The following PTPRQ variants were observed in gnomAD, a reference collection of about 807,000 sequenced individuals.
The protein encoded by PTPRQ is phosphatidylinositol phosphatase PTPRQ.
Under a neutral mutation model 246.0 loss-of-function variants are expected in PTPRQ, and 199 were observed. The observed-to-expected ratio is 0.81, with a 90% CI of 0.72 to 0.91. The LOEUF (loss-of-function observed/expected upper bound fraction) is 0.91. PTPRQ is among the 40% of genes least tolerant of loss of function. The pLI is 0.00. For missense variants in PTPRQ, 2,624 were observed against 2,528.4 expected, an observed-to-expected ratio of 1.04 and a Z score of -0.81; for synonymous variants, 869 against 853.2, an observed-to-expected ratio of 1.02 and a Z score of -0.32.
chr12:80,483,026 G>A (rs1449130238), intron 8 of PTPRQ, among the ~76,000 whole-genome samples: 3 of 115,156 alleles, frequency 2.6e-5, no homozygotes, highest in Non-Finnish European at 5.3e-5. Flanking sequence ...CCATTACTGG[G>A]TATATACCCA....
At chr12:80,636,590 G>GA (rs35166326) in intron 35 of PTPRQ, among the ~76,000 whole-genome samples, 19,346 of 152,038 alleles carry the variant, frequency 0.13, 1,593 homozygotes, top group Middle Eastern at 0.23. Flanking sequence ...ATGCACAAGG[G>GA]AAAAAATTCA....
rs907999432 is a variant in PTPRQ at position 80,496,443 on chromosome 12, C to T, written c.2184C>T (p.Thr728=). The T allele has an allele frequency of 4.5e-6, 7 of 1,550,504 alleles. No individual in the cohort carries two copies. The highest frequency in any genetic ancestry group is 5.2e-6 in the Non-Finnish European group (6 of 1,146,410). Residue 728 remains threonine (T), a synonymous_variant, in exon 14 of 45, where the codon ACC becomes ACT. Coordinates refer to ENST00000644991, the MANE Select transcript of PTPRQ (RefSeq NM_001145026.2). Reference sequence around the variant, plus strand: ...TATTAAGGAACTTAAGACCTCACACCCTCTATAACATTTCTGTAAGGTCTT... The same window carrying T: ...TATTAAGGAACTTAAGACCTCACACTCTCTATAACATTTCTGTAAGGTCTT... ...DIILRNLRPH[T]LYNISVRSYT...
intron 27 of PTPRQ, among the ~76,000 whole-genome samples, chr12:80,608,383 T>G (rs1248522424): frequency 6.6e-6 from 1 of 150,558 alleles, no homozygotes; most frequent in African/African-American, 2.4e-5. Flanking sequence ...GTAGGTTTAA[T>G]AAAGAAAGGT....
chr12:80,525,420 G>C (rs553465995), intron 17 of PTPRQ, among the ~76,000 whole-genome samples: 25 of 152,248 alleles, frequency 1.6e-4, no homozygotes, highest in Admixed American at 1.4e-3. Flanking sequence ...GATGGCCTTT[G>C]TGTCTTGTGT....
chr12:80,471,626 C>G (rs866248001), intron 7 of PTPRQ, among the ~76,000 whole-genome samples: 3 of 129,314 alleles, frequency 2.3e-5, no homozygotes, highest in East Asian at 4.3e-4. Context: ...TACAGGCGCG[C>G]GCCACTACGC....
At chr12:80,645,024 A>G (rs10862180) in intron 35 of PTPRQ, among the ~76,000 whole-genome samples, 13,064 of 152,166 alleles carry the variant, frequency 0.086, 747 homozygotes, top group South Asian at 0.18. Flanking sequence ...AGAAAATTAC[A>G]TAAAAACTGG....
At chr12:80,477,013 CAGGGGAT>C (rs1466787868) in intron 8 of PTPRQ, among the ~76,000 whole-genome samples, 3 of 152,044 alleles carry the variant, frequency 2.0e-5, no homozygotes, top group Non-Finnish European at 4.4e-5. Flanking sequence ...ATCAAAAGCC[CAGGGGAT>C]ATTTGTTTTT....
intron 25 of PTPRQ, among the ~76,000 whole-genome samples, chr12:80,560,577 A>G (rs543305629): frequency 2.6e-5 from 4 of 152,330 alleles, no homozygotes; most frequent in South Asian, 2.1e-4. Flanking sequence ...TAGTTCTTGC[A>G]CAGAAATTCA....
chr12:80,606,142 T>C lies in PTPRQ; in HGVS notation c.4731+962T>C, dbSNP rs142365226. ...CAGATCTGTAGAGGAAAGGAATGAG[T>C]TCAGTATTAGACACACTGAGTTTGA... is the stretch of plus-strand genomic sequence containing the variant. On this transcript the variant is annotated intron_variant, in intron 27 of 44. Coordinates refer to ENST00000644991, the MANE Select transcript of PTPRQ (RefSeq NM_001145026.2). Among the ~76,000 whole-genome samples the C allele has an allele frequency of 3.6e-3, 545 of 151,124 alleles. 1 individual carries two copies. Among genetic ancestry groups the C allele is most frequent in the African/African-American group, 0.012 (493 of 41,406 alleles).
Position 80,588,463 on chromosome 12 carries a change from T to C in PTPRQ, c.4609+11T>C. The C allele has an allele frequency of 6.8e-7, 1 of 1,467,806 alleles. No homozygotes were observed. The highest frequency in any genetic ancestry group is 1.8e-4 in the Middle Eastern group (1 of 5,578). 90.9% of individuals were successfully genotyped at this position (1,467,806 alleles called of 1,614,324 possible). A position where few individuals can be genotyped will look rare whatever the true frequency, so the allele number is the denominator to read the frequency against. On this transcript the variant is annotated intron_variant, in intron 26 of 44. Coordinates refer to ENST00000644991, the MANE Select transcript of PTPRQ (RefSeq NM_001145026.2). ...AAACTCTGCCTGGCCGTGAGTATTG[T>C]CCTGACATGTACATACTGATTTCTG...
At chr12:80,506,949 A>T (rs1309317139) in intron 16 of PTPRQ, among the ~76,000 whole-genome samples, 3 of 152,014 alleles carry the variant, frequency 2.0e-5, no homozygotes, top group Admixed American at 2.0e-4. Context: ...TTCAAGGCTT[A>T]AAATTTGGTT....
chr12:80,484,364 G>A lies in PTPRQ; in HGVS notation c.1187-69G>A, dbSNP rs10862139. On this transcript the variant is annotated intron_variant, in intron 8 of 44. Coordinates refer to ENST00000644991, the MANE Select transcript of PTPRQ (RefSeq NM_001145026.2). ...CTTAAATTGTGAACTAAGAATTTAG[G>A]CACTTTTTTCACTTGAAAAAATATT... The A allele has an allele frequency of 0.014, 20,066 of 1,466,070 alleles. 1,120 individuals carry two copies. The African/African-American group carries it at 0.15, about 11-fold the overall frequency. The allele number at this position is 1,466,070 out of a possible 1,614,324, so 90.8% of individuals were successfully genotyped here. A position where few individuals can be genotyped will look rare whatever the true frequency, so the allele number is the denominator to read the frequency against.
At chr12:80,535,507 T>G (rs1299236507) in intron 19 of PTPRQ, among the ~76,000 whole-genome samples, 1 of 152,186 alleles carries the variant, frequency 6.6e-6, no homozygotes. Context: ...GAAGGGTTAT[T>G]ATAATAATAG....
intron 28 of PTPRQ, 85 bp from the exon 29 acceptor site, chr12:80,613,507 C>A (rs1050745448): frequency 4.5e-6 from 6 of 1,340,044 alleles, no homozygotes; most frequent in Admixed American, 5.6e-5. Context: ...TCTTTAAAAA[C>A]AGAAGTTCAA....
chr12:80,676,547 CAGG>C, intron 43 of PTPRQ, among the ~76,000 whole-genome samples: 1 of 152,144 alleles, frequency 6.6e-6, no homozygotes, highest in East Asian at 1.9e-4. Flanking sequence ...GAGGCTGAGA[CAGG>C]AGAATCGCTT....
At chr12:80,609,495 C>T (rs1450290715) in intron 27 of PTPRQ, among the ~76,000 whole-genome samples, 1 of 150,518 alleles carries the variant, frequency 6.6e-6, no homozygotes, top group Admixed American at 6.6e-5. Context: ...TGAATTTTCT[C>T]ATGGTTATCT....
At position 80,581,970 on chromosome 12, in the gene PTPRQ, C is replaced by T. The variant is rs145254892; in HGVS notation, c.4286-6159C>T. On this transcript the variant is annotated intron_variant, in intron 25 of 44. Transcript: ENST00000644991. Reference sequence around the variant, plus strand: ...TGACAGGAGTAGGTATTGGTAAAACCTTTCTGGAGTGTGATTTAGCAATGT... The same window carrying T: ...TGACAGGAGTAGGTATTGGTAAAACTTTTCTGGAGTGTGATTTAGCAATGT... Among the ~76,000 whole-genome samples the T allele has an allele frequency of 1.3e-3, 195 of 152,198 alleles. 2 individuals are homozygous for T. Among genetic ancestry groups the T allele is most frequent in the African/African-American group, 4.6e-3 (191 of 41,496 alleles).
intron 25 of PTPRQ, among the ~76,000 whole-genome samples, chr12:80,581,167 T>A (rs555940305): frequency 6.6e-6 from 1 of 152,280 alleles, no homozygotes. Context: ...CTAGTGAATA[T>A]TTCCCTCTCA....
chr12:80,486,894 A>G (rs1416948894), intron 9 of PTPRQ, among the ~76,000 whole-genome samples: 1 of 152,146 alleles, frequency 6.6e-6, no homozygotes, highest in Non-Finnish European at 1.5e-5. Context: ...TCAGCTTTTG[A>G]AACTATTTGT....
Sources: allele counts gnomAD v4.1 joint callset (sites outside exome capture counted in the v4.1 genomes callset), GRCh38; gene constraint gnomAD v4.1.1; transcripts MANE v1.5; gene names NCBI Gene and HGNC (gene_info 2026-07-23, HGNC 2026-07-21).